The following PRDM6 variants were observed in gnomAD, a reference collection of about 807,000 sequenced individuals.
The protein encoded by PRDM6 is PR/SET domain 6, also known as putative histone-lysine N-methyltransferase PRDM6.
In PRDM6, 25 loss-of-function variants were observed where a neutral mutation model predicts 60.8. The observed-to-expected ratio is 0.41, with a 90% confidence interval of 0.30 to 0.57. PRDM6 has a LOEUF of 0.57. PRDM6 is among the 20% of genes least tolerant of loss of function. PRDM6 has a pLI of 0.27. For missense variants in PRDM6, 839 were observed against 821.3 expected, an observed-to-expected ratio of 1.02 and a Z score of -0.26; for synonymous variants, 407 against 357.4, an observed-to-expected ratio of 1.14 and a Z score of -1.57.
At chr5:123,121,626 A>G (rs1764582806) in intron 3 of PRDM6, among the ~76,000 whole-genome samples, 1 of 152,184 alleles carries the variant, frequency 6.6e-6, no homozygotes, top group South Asian at 2.1e-4. Context: ...ATCTGTCTTT[A>G]AAAGACACAG....
At chr5:123,136,647 T>C (rs1023791693) in intron 3 of PRDM6, among the ~76,000 whole-genome samples, 1 of 152,220 alleles carries the variant, frequency 6.6e-6, no homozygotes, top group Non-Finnish European at 1.5e-5. Flanking sequence ...GCTGGAGATG[T>C]TATTTGAATT....
At chr5:123,133,585 A>G (rs565239554) in intron 3 of PRDM6, among the ~76,000 whole-genome samples, 1 of 152,234 alleles carries the variant, frequency 6.6e-6, no homozygotes, top group South Asian at 2.1e-4. Context: ...TATTTACAAA[A>G]TCTATTAAAA....
Position 123,159,482 on chromosome 5 carries a change from T to C in PRDM6, c.1029-32T>C, listed in dbSNP as rs1021594802. 41 of 1,548,658 alleles carry C rather than the reference T, an allele frequency of 2.6e-5. No individual in the cohort carries two copies. In the African/African-American group the frequency reaches 5.6e-4, roughly 21 times the overall value. On this transcript the variant is annotated intron_variant, in intron 4 of 7. Transcript: ENST00000407847. ...ATGGGGGCACATGAGTCCTATGTAT[T>C]ACTAAGCTGGGTTTTCTTTTGTTTT...
intron 4 of PRDM6, among the ~76,000 whole-genome samples, chr5:123,156,896 C>T (rs764176605): frequency 1.3e-5 from 2 of 152,096 alleles, no homozygotes; most frequent in Non-Finnish European, 2.9e-5. Context: ...CAAAATCCCT[C>T]GAAAACGTGT....
chr5:123,093,765 C>T (rs1054993725), intron 2 of PRDM6, among the ~76,000 whole-genome samples: 42 of 152,172 alleles, frequency 2.8e-4, no homozygotes, highest in Admixed American at 2.7e-3. Flanking sequence ...GTTGCCTGCT[C>T]TTGAAAAGTA....
chr5:123,184,156 G>A (rs1435903775), intron 7 of PRDM6, among the ~76,000 whole-genome samples: 1 of 152,084 alleles, frequency 6.6e-6, no homozygotes, highest in Non-Finnish European at 1.5e-5. Context: ...GTGCAATTTG[G>A]TTCAATTCAA....
intron 5 of PRDM6, among the ~76,000 whole-genome samples, chr5:123,167,669 G>A (rs547403366): frequency 1.2e-4 from 18 of 152,246 alleles, no homozygotes; most frequent in South Asian, 1.0e-3. Flanking sequence ...GATTACAGGC[G>A]TGAGCCACCA....
Position 123,190,730 on chromosome 5 carries a change from TTTCA to T in PRDM6, c.*3536_*3539del, listed in dbSNP as rs914898446. The T allele has an allele frequency of 5.9e-5, 9 of 152,212 alleles. No homozygotes were observed. The highest frequency in any genetic ancestry group is 9.6e-5 in the African/African-American group (4 of 41,458). 9.4% of individuals were successfully genotyped at this position (152,212 alleles called of 1,614,324 possible). On this transcript the variant is annotated 3_prime_UTR_variant, in exon 8 of 8. Transcript: ENST00000407847. ...CAATTTTTAAATCAGATGTTCATTG[TTTCA>T]TTCATTTATTCAACAAGTATTTATT...
chr5:123,111,117 T>A (rs1216387784), intron 3 of PRDM6, among the ~76,000 whole-genome samples: 1 of 152,222 alleles, frequency 6.6e-6, no homozygotes. Context: ...TTCTGGAGAT[T>A]GGTTGCATAA....
chr5:123,185,446 A>G (rs1766265000), intron 7 of PRDM6, among the ~76,000 whole-genome samples: 1 of 152,344 alleles, frequency 6.6e-6, no homozygotes, highest in African/African-American at 2.4e-5. Flanking sequence ...TCAGCACTCC[A>G]GGAGCTCTGG....
rs1468158817 is a variant in PRDM6, at chr5:123,156,159, ACCT to A, written c.1028+152_1028+154del. The A allele has an allele frequency of 9.9e-6, 7 of 705,384 alleles. No individual in the cohort carries two copies. The East Asian group carries it at 1.9e-4, about 20-fold the overall frequency. 43.7% of individuals were successfully genotyped at this position (705,384 alleles called of 1,614,324 possible). A position where few individuals can be genotyped will look rare whatever the true frequency, so the allele number is the denominator to read the frequency against. On this transcript the variant is annotated intron_variant, in intron 4 of 7. Coordinates refer to ENST00000407847, the MANE Select transcript of PRDM6 (RefSeq NM_001136239.4). ...TTTTTTTTTTTGCTAGGTTTCTGAA[ACCT>A]CCTTAGTTCCTATGACAGTAAGAGC...
intron 5 of PRDM6, among the ~76,000 whole-genome samples, chr5:123,164,924 G>T (rs989472033): frequency 2.0e-5 from 3 of 152,094 alleles, no homozygotes; most frequent in East Asian, 1.9e-4. Flanking sequence ...TCAATGTGGG[G>T]TGTATAAAGG....
intron 3 of PRDM6, among the ~76,000 whole-genome samples, chr5:123,103,276 T>A (rs1344569935): frequency 6.6e-6 from 1 of 151,698 alleles, no homozygotes; most frequent in Non-Finnish European, 1.5e-5. Flanking sequence ...AAAAGCCAAA[T>A]AATTAGTCAT....
rs889736998 is a variant in PRDM6 at position 123,192,273 on chromosome 5, C to T, written c.*5072C>T. 8 of 152,196 alleles carry T rather than the reference C, an allele frequency of 5.3e-5. No individual in the cohort carries two copies. In the South Asian group the frequency reaches 1.7e-3, roughly 31 times the overall value. The allele number at this position is 152,196 out of a possible 1,614,324, so 9.4% of individuals were successfully genotyped here. A position where few individuals can be genotyped will look rare whatever the true frequency, so the allele number is the denominator to read the frequency against. On this transcript the variant is annotated 3_prime_UTR_variant, in exon 8 of 8. Coordinates refer to ENST00000407847, the MANE Select transcript of PRDM6 (RefSeq NM_001136239.4). ...TCTATAACAAAGATACTATCATTAT[C>T]CCCTTCTCATATATGCTTAACAGTT... is the stretch of plus-strand genomic sequence containing the variant.
chr5:123,100,874 T>C (rs1249974537), intron 3 of PRDM6, among the ~76,000 whole-genome samples: 1 of 152,224 alleles, frequency 6.6e-6, no homozygotes, highest in East Asian at 1.9e-4. Flanking sequence ...CCTCCATCCA[T>C]GGAAAGTTGC....
At chr5:123,094,312 G>C (rs1197572969) in intron 2 of PRDM6, among the ~76,000 whole-genome samples, 1 of 152,134 alleles carries the variant, frequency 6.6e-6, no homozygotes, top group Non-Finnish European at 1.5e-5. Flanking sequence ...TGCAACCGAG[G>C]AACATCCACT....
At chr5:123,103,838 A>G (rs1764152345) in intron 3 of PRDM6, among the ~76,000 whole-genome samples, 1 of 152,128 alleles carries the variant, frequency 6.6e-6, no homozygotes, top group Admixed American at 6.5e-5. Context: ...CTGACTTGAC[A>G]AGAAATTTTA....
At chr5:123,169,827 A>C (rs934275070) in intron 5 of PRDM6, among the ~76,000 whole-genome samples, 14 of 152,210 alleles carry the variant, frequency 9.2e-5, no homozygotes, top group Non-Finnish European at 1.9e-4. Flanking sequence ...ACTGCGGCCC[A>C]GAGCTATTGA....
intron 3 of PRDM6, among the ~76,000 whole-genome samples, chr5:123,138,945 T>C (rs1351105766): frequency 6.6e-6 from 1 of 152,038 alleles, no homozygotes; most frequent in African/African-American, 2.4e-5. Context: ...GTCGAGGGAG[T>C]GAGATGATTG....
Sources: gnomAD v4.1 joint callset for allele counts (sites outside exome capture counted in the v4.1 genomes callset) on GRCh38, gnomAD v4.1.1 for gene constraint, MANE v1.5 for transcripts, NCBI Gene and HGNC (gene_info 2026-07-23, HGNC 2026-07-21) for gene names.